The following DNAH7 variants were observed in gnomAD, a reference collection of about 807,000 sequenced individuals.
The protein encoded by DNAH7 is dynein axonemal heavy chain 7.
A neutral mutation model predicts 444.6 loss-of-function variants in DNAH7; 397 were observed. That is an observed-to-expected ratio of 0.89 (90% CI 0.82 to 0.97). DNAH7 has a LOEUF of 0.97. DNAH7 is among the 50% of genes least tolerant of loss of function. The pLI, the probability that DNAH7 is intolerant of heterozygous loss-of-function variation, is 0.00. For missense variants in DNAH7, 4,902 were observed against 4,800.8 expected, an observed-to-expected ratio of 1.02 and a Z score of -0.62; for synonymous variants, 1,636 against 1,624.4, an observed-to-expected ratio of 1.01 and a Z score of -0.17.
chr2:195,940,151 C>T (rs927192084), intron 19 of DNAH7, among the ~76,000 whole-genome samples: 10 of 152,288 alleles, frequency 6.6e-5, no homozygotes, highest in African/African-American at 2.4e-4. Flanking sequence ...ACCAAAACAG[C>T]ATGGTACTGG....
chr2:195,980,303 G>T (rs60994420), intron 15 of DNAH7, among the ~76,000 whole-genome samples: 12,684 of 152,072 alleles, frequency 0.083, 579 homozygotes, highest in African/African-American at 0.1. Context: ...TTCATTCTTT[G>T]CCTTCCTGCT....
chr2:195,744,317 G>A (rs138182774), intron 63 of DNAH7, among the ~76,000 whole-genome samples: 9,270 of 152,252 alleles, frequency 0.061, 382 homozygotes, highest in African/African-American at 0.12. Flanking sequence ...GGGGAGGGGC[G>A]CCCGCCATTG....
chr2:195,942,226 G>A (rs572507275), intron 19 of DNAH7, among the ~76,000 whole-genome samples: 6 of 152,158 alleles, frequency 3.9e-5, no homozygotes, highest in African/African-American at 1.2e-4. Context: ...GGTAATATTT[G>A]AGAAAATATA....
At chr2:195,957,145 A>G (rs1690722409) in intron 19 of DNAH7, 116 bp downstream of exon 19, 21 of 834,600 alleles carry the variant, frequency 2.5e-5, no homozygotes, top group Non-Finnish European at 1.7e-6. Context: ...AAGACAATGT[A>G]TGTATGAAAC....
intron 42 of DNAH7, among the ~76,000 whole-genome samples, chr2:195,859,085 G>A (rs1044813742): frequency 9.8e-5 from 15 of 152,288 alleles, no homozygotes; most frequent in African/African-American, 1.4e-4. Context: ...ATACACTGGC[G>A]ATGAGGCAAG....
chr2:195,776,604 T>C (rs1251377779), intron 59 of DNAH7, among the ~76,000 whole-genome samples: 4 of 152,108 alleles, frequency 2.6e-5, no homozygotes, highest in Admixed American at 2.6e-4. Flanking sequence ...TTGCTGATGA[T>C]TATTCTTATC....
chr2:195,775,102 C>G (rs756228643), intron 60 of DNAH7, among the ~76,000 whole-genome samples: 2 of 152,148 alleles, frequency 1.3e-5, no homozygotes, highest in African/African-American at 4.8e-5. Flanking sequence ...TAGTTCTGGT[C>G]TCTTTACCTC....
chr2:195,967,261 C>T (rs1435898035), intron 17 of DNAH7, among the ~76,000 whole-genome samples: 2 of 151,542 alleles, frequency 1.3e-5, no homozygotes, highest in East Asian at 1.9e-4. Context: ...TGACTTCATC[C>T]TCCTGCTTTT....
At chr2:196,021,639 G>A (rs1379950888) in intron 8 of DNAH7, among the ~76,000 whole-genome samples, 1 of 151,724 alleles carries the variant, frequency 6.6e-6, no homozygotes. Context: ...GGGCAACATA[G>A]GGAGATTGCG....
At chr2:195,948,271 G>A (rs574501297) in intron 19 of DNAH7, among the ~76,000 whole-genome samples, 5 of 151,942 alleles carry the variant, frequency 3.3e-5, no homozygotes, top group African/African-American at 1.2e-4. Flanking sequence ...AGTTTATTTT[G>A]CTGTGCAGAA....
intron 41 of DNAH7, 141 bp from the exon 42 acceptor site, chr2:195,862,087 G>T (rs1048731506): frequency 2.9e-5 from 20 of 678,004 alleles, no homozygotes; most frequent in Non-Finnish European, 4.8e-5. Context: ...AATTTCATAA[G>T]AAACTTTCCC....
intron 57 of DNAH7, among the ~76,000 whole-genome samples, chr2:195,793,973 T>C (rs2105988951): frequency 6.6e-6 from 1 of 152,294 alleles, no homozygotes; most frequent in Non-Finnish European, 1.5e-5. Flanking sequence ...TATTTTTATG[T>C]TTTAATTTAG....
chr2:195,897,697 T>C lies in DNAH7; in HGVS notation c.4617A>G (p.Lys1539=). The C allele has an allele frequency of 6.2e-7, 1 of 1,604,858 alleles. No homozygotes were observed. The highest frequency in any genetic ancestry group is 8.5e-7 in the Non-Finnish European group (1 of 1,174,956). ...AGAGTGGTAAATCATGGGATAAAAA[T>C]TTTGGCAGATTTACATCAATGATAG... The part of the protein sequence containing the change: ...LRSIIDVNLP[K]FLSHDLPLFE... The change falls in exon 29 of 65, where the codon AAA becomes AAG. Residue 1539 remains lysine, a synonymous_variant. Coordinates refer to ENST00000312428, the MANE Select transcript of DNAH7 (RefSeq NM_018897.3).
In DNAH7 at chr2:195,891,818, A is replaced by G. The variant is rs1259955805; in HGVS notation, c.4897-14T>C. 1 of 1,563,346 alleles carries G rather than the reference A, an allele frequency of 6.4e-7. No individual in the cohort carries two copies. Among genetic ancestry groups the G allele is most frequent in the Non-Finnish European group, 8.7e-7 (1 of 1,155,438 alleles). On this transcript the variant is annotated splice_polypyrimidine_tract_variant and intron_variant, in intron 30 of 64. Coordinates refer to ENST00000312428, the MANE Select transcript of DNAH7 (RefSeq NM_018897.3). ...TTCCATTAGCCCCTTAATGAAAAAA[A>G]AAAACATTTATTTATGTAAAGAATA...
intron 5 of DNAH7, among the ~76,000 whole-genome samples, chr2:196,034,077 A>G (rs1462187861): frequency 6.6e-6 from 1 of 152,220 alleles, no homozygotes; most frequent in Non-Finnish European, 1.5e-5. Flanking sequence ...AAGGATATAA[A>G]AAGAAAAAAG....
intron 63 of DNAH7, among the ~76,000 whole-genome samples, chr2:195,745,382 G>T (rs544050798): frequency 1.3e-5 from 2 of 152,338 alleles, no homozygotes; most frequent in East Asian, 1.9e-4. Context: ...CGTCTCATTG[G>T]TGTACCTGAA....
intron 47 of DNAH7, among the ~76,000 whole-genome samples, chr2:195,834,605 A>G (rs1482026793): frequency 3.3e-5 from 5 of 152,228 alleles, no homozygotes; most frequent in Non-Finnish European, 5.9e-5. Context: ...GGAAAATTAC[A>G]TTTTCTAAAT....
At chr2:195,933,327 G>C (rs2125400985) in intron 21 of DNAH7, among the ~76,000 whole-genome samples, 1 of 152,302 alleles carries the variant, frequency 6.6e-6, no homozygotes, top group South Asian at 2.1e-4. Context: ...CAACCATTGT[G>C]AAAGTCAGTG....
intron 19 of DNAH7, among the ~76,000 whole-genome samples, chr2:195,952,602 A>T (rs1465286010): frequency 6.6e-6 from 1 of 152,060 alleles, no homozygotes; most frequent in South Asian, 2.1e-4. Context: ...ACATAGTCCC[A>T]TATTTCTTGA....
Sources: gnomAD v4.1 joint callset for allele counts (sites outside exome capture counted in the v4.1 genomes callset) on GRCh38, gnomAD v4.1.1 for gene constraint, MANE v1.5 for transcripts, NCBI Gene and HGNC (gene_info 2026-07-23, HGNC 2026-07-21) for gene names.